Variants in CRPPA observed in about 807,000 individuals in gnomAD.
CRPPA encodes the protein CDP-L-ribitol pyrophosphorylase A.
Under a neutral mutation model 52.0 loss-of-function variants are expected in CRPPA, and 43 were observed. The ratio of observed to expected loss-of-function variants is 0.83; its 90% CI spans 0.65 to 1.07. CRPPA has a LOEUF of 1.07. Ranked by LOEUF, CRPPA falls within the 50% of genes least tolerant of loss-of-function variation. The pLI, the probability that CRPPA is intolerant of heterozygous loss-of-function variation, is 0.00. For missense variants in CRPPA, 629 were observed against 551.7 expected, an observed-to-expected ratio of 1.14 and a Z score of -1.40; for synonymous variants, 250 against 203.5, an observed-to-expected ratio of 1.23 and a Z score of -1.94.
intron 6 of CRPPA, among the ~76,000 whole-genome samples, chr7:16,277,870 G>C (rs543623970): frequency 2.8e-4 from 42 of 152,232 alleles, no homozygotes; most frequent in Non-Finnish European, 4.4e-4. Context: ...CCTTATGCTG[G>C]GGAATGCAGG....
chr7:16,347,120 T>C (rs747445120), intron 3 of CRPPA, among the ~76,000 whole-genome samples: 3 of 152,004 alleles, frequency 2.0e-5, no homozygotes, highest in Non-Finnish European at 2.9e-5. Context: ...ATCCAAACTT[T>C]CCACCAAACT....
chr7:16,230,711 T>A (rs1336561555), intron 8 of CRPPA, among the ~76,000 whole-genome samples: 1 of 152,196 alleles, frequency 6.6e-6, no homozygotes, highest in Non-Finnish European at 1.5e-5. Context: ...TTCTTGATGC[T>A]TTTGGTCATT....
At chr7:16,126,173 A>G (rs968834223) in intron 9 of CRPPA, among the ~76,000 whole-genome samples, 7 of 152,132 alleles carry the variant, frequency 4.6e-5, no homozygotes, top group African/African-American at 7.2e-5. Flanking sequence ...GTAAGTACCA[A>G]TAAAGCTATA....
intron 3 of CRPPA, among the ~76,000 whole-genome samples, chr7:16,311,634 C>T (rs998228647): frequency 2.6e-5 from 4 of 152,048 alleles, no homozygotes; most frequent in East Asian, 3.9e-4. Context: ...TAAACATTCA[C>T]GTGCAGGGTT....
chr7:16,116,702 G>GGGAAAGGGAA, intron 9 of CRPPA, among the ~76,000 whole-genome samples: 1 of 148,730 alleles, frequency 6.7e-6, no homozygotes, highest in Non-Finnish European at 1.5e-5. Context: ...GGAAAGGGAA[G>GGGAAAGGGAA]GGAGAGAGAG....
intron 1 of CRPPA, among the ~76,000 whole-genome samples, chr7:16,416,590 T>G (rs1411961387): frequency 6.6e-6 from 1 of 151,500 alleles, no homozygotes; most frequent in Non-Finnish European, 1.5e-5. Context: ...ATGCCAGCAC[T>G]CTGGGAGGCC....
At chr7:16,321,357 A>C (rs1221638652) in intron 3 of CRPPA, among the ~76,000 whole-genome samples, 1 of 152,164 alleles carries the variant, frequency 6.6e-6, no homozygotes, top group African/African-American at 2.4e-5. Flanking sequence ...AGAAGAAATT[A>C]AAATATTTCC....
chr7:16,097,267 T>G (rs1300252069), intron 9 of CRPPA, among the ~76,000 whole-genome samples: 1 of 152,162 alleles, frequency 6.6e-6, no homozygotes, highest in African/African-American at 2.4e-5. Context: ...GTACTTAATT[T>G]TACCCAGCAT....
At chr7:16,361,657 A>G (rs1395888108) in intron 3 of CRPPA, among the ~76,000 whole-genome samples, 3 of 152,206 alleles carry the variant, frequency 2.0e-5, no homozygotes, top group Admixed American at 6.5e-5. Flanking sequence ...TCAGAGTCAA[A>G]GTAAAATGGG....
intron 6 of CRPPA, among the ~76,000 whole-genome samples, chr7:16,275,689 G>T (rs1424910848): frequency 6.6e-6 from 1 of 152,018 alleles, no homozygotes; most frequent in African/African-American, 2.4e-5. Flanking sequence ...AAAATTAGCT[G>T]GGCATTGCAG....
At chr7:16,165,859 T>C (rs933986838) in intron 9 of CRPPA, among the ~76,000 whole-genome samples, 1 of 152,242 alleles carries the variant, frequency 6.6e-6, no homozygotes, top group Admixed American at 6.5e-5. Flanking sequence ...TGGTGTACTA[T>C]AACACTTCAT....
intron 9 of CRPPA, among the ~76,000 whole-genome samples, chr7:16,101,365 A>C (rs1295534164): frequency 2.0e-5 from 3 of 151,130 alleles, no homozygotes; most frequent in East Asian, 3.9e-4. Context: ...CTTCCTGGTT[A>C]GTTTAGTCTT....
At chr7:16,159,124 A>G (rs1783247413) in intron 9 of CRPPA, among the ~76,000 whole-genome samples, 1 of 152,294 alleles carries the variant, frequency 6.6e-6, no homozygotes, top group East Asian at 1.9e-4. Context: ...TGCATTAAAA[A>G]TTGGGAGAGT....
intron 3 of CRPPA, among the ~76,000 whole-genome samples, chr7:16,314,990 G>C (rs1392327073): frequency 6.6e-6 from 1 of 151,854 alleles, no homozygotes; most frequent in East Asian, 1.9e-4. Context: ...TCTTCTTCTG[G>C]TATGCTCATT....
intron 3 of CRPPA, among the ~76,000 whole-genome samples, chr7:16,368,955 C>T (rs1786678710): frequency 6.6e-6 from 1 of 152,082 alleles, no homozygotes; most frequent in African/African-American, 2.4e-5. Flanking sequence ...TTAGTGTTAA[C>T]ATATAAAATA....
At chr7:16,284,450 C>T (rs1784381464) in intron 5 of CRPPA, among the ~76,000 whole-genome samples, 1 of 152,050 alleles carries the variant, frequency 6.6e-6, no homozygotes, top group African/African-American at 2.4e-5. Flanking sequence ...GTTATGGACA[C>T]ATACATTCAA....
In CRPPA at chr7:16,301,486, C is replaced by T. The variant is rs769863231; in HGVS notation, c.790-20G>A. ...GGTCACCTAAAGGACAGATAAACTT[C>T]ATTAGACTTAACAGAGCAGGAAGGA... On this transcript the variant is annotated intron_variant, in intron 4 of 9. Transcript: ENST00000407010. 1.9e-6 allele frequency: 3 copies of T among 1,595,092 alleles called. No homozygotes were observed. The South Asian group carries it at 3.3e-5, about 18-fold the overall frequency.
intron 3 of CRPPA, among the ~76,000 whole-genome samples, chr7:16,329,697 A>G (rs1009672695): frequency 1.8e-4 from 27 of 152,232 alleles, no homozygotes; most frequent in Admixed American, 9.8e-4. Flanking sequence ...AATCTTCTAC[A>G]CACACAAACA....
intron 9 of CRPPA, among the ~76,000 whole-genome samples, chr7:16,126,730 T>C (rs1782588366): frequency 6.6e-6 from 1 of 152,038 alleles, no homozygotes; most frequent in South Asian, 2.1e-4. Flanking sequence ...GACAACTGAC[T>C]CCAGGAGTTC....
Sources: allele counts gnomAD v4.1 joint callset (sites outside exome capture counted in the v4.1 genomes callset), GRCh38; gene constraint gnomAD v4.1.1; transcripts MANE v1.5; gene names NCBI Gene and HGNC (gene_info 2026-07-23, HGNC 2026-07-21).